The following TMTC2 variants were observed in gnomAD, a reference collection of about 807,000 sequenced individuals.
TMTC2 encodes protein O-mannosyl-transferase TMTC2.
A neutral mutation model predicts 82.4 loss-of-function variants in TMTC2; 43 were observed. That is an observed-to-expected ratio of 0.52 (90% CI 0.41 to 0.67). TMTC2 has a LOEUF of 0.67. TMTC2 is among the 30% of genes least tolerant of loss of function. The pLI is 0.00. For synonymous variants in TMTC2, 408 were observed against 381.9 expected (o/e 1.07, Z -0.80); for missense variants, 919 against 1,012.4 (o/e 0.91, Z 1.25).
At chr12:82,849,511 G>T (rs1870860206) in intron 1 of TMTC2, among the ~76,000 whole-genome samples, 1 of 152,014 alleles carries the variant, frequency 6.6e-6, no homozygotes, top group South Asian at 2.1e-4. Flanking sequence ...ATAGATATAG[G>T]AGCAAAACCA....
chr12:82,928,718 C>T (rs187060278), intron 3 of TMTC2, among the ~76,000 whole-genome samples: 143 of 152,256 alleles, frequency 9.4e-4, no homozygotes, highest in Middle Eastern at 3.4e-3. Flanking sequence ...TCTGTCTCCT[C>T]ATCTGGGGAA....
At chr12:83,035,789 T>G (rs1042063145) in intron 9 of TMTC2, among the ~76,000 whole-genome samples, 1 of 152,182 alleles carries the variant, frequency 6.6e-6, no homozygotes, top group African/African-American at 2.4e-5. Flanking sequence ...ACGAGAAGTC[T>G]CTTTAAAAAT....
intron 9 of TMTC2, among the ~76,000 whole-genome samples, chr12:83,031,440 C>T (rs1881426621): frequency 6.6e-6 from 1 of 151,892 alleles, no homozygotes; most frequent in African/African-American, 2.4e-5. Context: ...TACATAACAA[C>T]TCTGTCACAC....
chr12:82,867,513 A>G (rs74665408), intron 2 of TMTC2, among the ~76,000 whole-genome samples: 18,088 of 152,216 alleles, frequency 0.12, 1,433 homozygotes, highest in South Asian at 0.23. Context: ...GCACATGGAA[A>G]ATATATCCTG....
At chr12:83,026,705 A>AGTGT (rs67900968) in intron 8 of TMTC2, among the ~76,000 whole-genome samples, 6,892 of 142,926 alleles carry the variant, frequency 0.048, 193 homozygotes, top group Middle Eastern at 0.065. Flanking sequence ...TGATTGAAGG[A>AGTGT]GTGTGTGTGT....
At chr12:82,920,258 G>A (rs1875306715) in intron 3 of TMTC2, among the ~76,000 whole-genome samples, 1 of 152,032 alleles carries the variant, frequency 6.6e-6, no homozygotes, top group African/African-American at 2.4e-5. Flanking sequence ...AAGTATATCA[G>A]AGATATGAAA....
intron 1 of TMTC2, among the ~76,000 whole-genome samples, chr12:82,811,775 T>G (rs978539971): frequency 1.3e-5 from 2 of 151,308 alleles, no homozygotes; most frequent in African/African-American, 4.8e-5. Context: ...TTTTTAAGAT[T>G]TATTTGAAGT....
At chr12:82,869,776 C>T (rs1241358062) in intron 2 of TMTC2, among the ~76,000 whole-genome samples, 1 of 151,710 alleles carries the variant, frequency 6.6e-6, no homozygotes, top group East Asian at 1.9e-4. Context: ...GAAGTGGAGG[C>T]CGCAGTGAGC....
intron 11 of TMTC2, among the ~76,000 whole-genome samples, chr12:83,080,840 C>G (rs1592734088): frequency 6.6e-6 from 1 of 152,142 alleles, no homozygotes; most frequent in East Asian, 1.9e-4. Flanking sequence ...AATTCACAGA[C>G]CCTTGAATAT....
At chr12:83,043,956 T>A (rs1881992388) in intron 9 of TMTC2, among the ~76,000 whole-genome samples, 1 of 152,224 alleles carries the variant, frequency 6.6e-6, no homozygotes, top group Admixed American at 6.5e-5. Flanking sequence ...GAAGGTATGA[T>A]TGATATCTGG....
intron 3 of TMTC2, among the ~76,000 whole-genome samples, chr12:82,907,034 A>C (rs1183553847): frequency 6.6e-6 from 1 of 152,240 alleles, no homozygotes; most frequent in Non-Finnish European, 1.5e-5. Flanking sequence ...ACTAGACTGA[A>C]ATATTTTTTA....
At chr12:82,790,811 G>A (rs1294220815) in intron 1 of TMTC2, among the ~76,000 whole-genome samples, 5 of 150,312 alleles carry the variant, frequency 3.3e-5, no homozygotes, top group African/African-American at 1.2e-4. Flanking sequence ...TGGGCAATAA[G>A]GGTGAAACTC....
At chr12:82,964,706 A>G (rs1565830891) in intron 4 of TMTC2, among the ~76,000 whole-genome samples, 1 of 152,122 alleles carries the variant, frequency 6.6e-6, no homozygotes, top group Non-Finnish European at 1.5e-5. Flanking sequence ...TGCATGCTCC[A>G]AGAAGAAAAC....
At chr12:83,051,830 A>C (rs776457677) in intron 10 of TMTC2, among the ~76,000 whole-genome samples, 3 of 152,168 alleles carry the variant, frequency 2.0e-5, no homozygotes, top group Non-Finnish European at 4.4e-5. Flanking sequence ...GAGCAAAAAA[A>C]CTAAAATATA....
At chr12:82,908,787 T>C (rs1874458248) in intron 3 of TMTC2, among the ~76,000 whole-genome samples, 1 of 152,174 alleles carries the variant, frequency 6.6e-6, no homozygotes, top group African/African-American at 2.4e-5. Context: ...CATAATGTTT[T>C]GGTTATAGAT....
intron 2 of TMTC2, among the ~76,000 whole-genome samples, chr12:82,870,977 C>T (rs545935330): frequency 6.6e-6 from 1 of 152,268 alleles, no homozygotes; most frequent in East Asian, 1.9e-4. Flanking sequence ...ATAATCTTCT[C>T]CCTGGCTGCT....
At chr12:82,753,736 AT>A (rs1487961271) in intron 1 of TMTC2, among the ~76,000 whole-genome samples, 9 of 152,354 alleles carry the variant, frequency 5.9e-5, no homozygotes, top group African/African-American at 2.2e-4. Flanking sequence ...CCAATTGATT[AT>A]TGTGTAAAGC....
At chr12:82,900,595 TAGGAATATATATAGGAATATATATAGAG>T (rs932454854) in intron 3 of TMTC2, among the ~76,000 whole-genome samples, 36 of 142,628 alleles carry the variant, frequency 2.5e-4, no homozygotes, top group Non-Finnish European at 5.0e-4. Flanking sequence ...TATAGATATG[TAGGAATATATATAGGAATATATATAGAG>T]AGGAATATAT....
intron 1 of TMTC2, among the ~76,000 whole-genome samples, chr12:82,719,339 G>T (rs537397640): frequency 6.6e-6 from 1 of 151,682 alleles, no homozygotes; most frequent in Non-Finnish European, 1.5e-5. Context: ...TGATCCACCC[G>T]CCTTGGCCTC....
Sources: allele counts gnomAD v4.1 joint callset (sites outside exome capture counted in the v4.1 genomes callset), GRCh38; gene constraint gnomAD v4.1.1; transcripts MANE v1.5; gene names NCBI Gene and HGNC (gene_info 2026-07-23, HGNC 2026-07-21).